NHSL1: variants seen among roughly 807,000 people sequenced by gnomAD.
NHSL1 encodes the protein NHS like 1.
NHSL1 carries 48 observed loss-of-function variants against 95.0 expected under a neutral mutation model. The ratio of observed to expected loss-of-function variants is 0.51; its 90% CI spans 0.40 to 0.64. NHSL1 has a LOEUF of 0.64. Among genes scored for constraint, NHSL1 ranks in the 30% least tolerant of loss-of-function variants. The pLI, the probability that NHSL1 is intolerant of heterozygous loss-of-function variation, is 0.00. For synonymous variants in NHSL1, 783 were observed against 833.9 expected (o/e 0.94, Z 1.05); for missense variants, 1,971 against 2,077.7 (o/e 0.95, Z 1.00).
chr6:138,483,856 G>C (rs939358107), intron 2 of NHSL1, among the ~76,000 whole-genome samples: 2 of 152,196 alleles, frequency 1.3e-5, no homozygotes, highest in African/African-American at 4.8e-5. Context: ...ATCTGTATTT[G>C]TTGGACAGTA....
chr6:138,639,898 T>C (rs1784938631), intron 1 of NHSL1, among the ~76,000 whole-genome samples: 1 of 151,382 alleles, frequency 6.6e-6, no homozygotes, highest in Admixed American at 6.6e-5. Context: ...TTTTTTTTTT[T>C]TTTACAAAAT....
At chr6:138,457,286 C>T (rs920302795) in intron 3 of NHSL1, among the ~76,000 whole-genome samples, 18 of 152,260 alleles carry the variant, frequency 1.2e-4, no homozygotes, top group Admixed American at 6.5e-4. Flanking sequence ...ATATTTTCAA[C>T]AATTTTCTTC....
intron 5 of NHSL1, 77 bp downstream of exon 5, chr6:138,441,906 A>C (rs1776547843): frequency 1.1e-5 from 15 of 1,322,706 alleles, no homozygotes; most frequent in Middle Eastern, 2.3e-4. Flanking sequence ...CGATTTTATA[A>C]GCACCATGAA....
intron 3 of NHSL1, among the ~76,000 whole-genome samples, chr6:138,471,206 T>C (rs1467888308): frequency 6.6e-6 from 1 of 152,136 alleles, no homozygotes; most frequent in Non-Finnish European, 1.5e-5. Context: ...TGTGAGAATT[T>C]AGAAATTATT....
At chr6:138,436,500 G>A (rs965420530) in intron 5 of NHSL1, among the ~76,000 whole-genome samples, 7 of 152,226 alleles carry the variant, frequency 4.6e-5, no homozygotes, top group African/African-American at 1.7e-4. Context: ...AGCAGAGGTT[G>A]TTTCATGAGG....
intron 1 of NHSL1, among the ~76,000 whole-genome samples, chr6:138,585,484 A>T (rs1449244154): frequency 6.6e-6 from 1 of 152,226 alleles, no homozygotes; most frequent in East Asian, 1.9e-4. Context: ...TACTACAAAA[A>T]TAGCACAAAT....
chr6:138,678,949 T>C lies in NHSL1; in HGVS notation c.96+13527A>G, dbSNP rs1785480572. Among the ~76,000 whole-genome samples, 6 of 152,210 alleles carry C rather than the reference T, an allele frequency of 3.9e-5. No individual in the cohort carries two copies. The South Asian group carries it at 1.2e-3, about 32-fold the overall frequency. On this transcript the variant is annotated intron_variant, in intron 1 of 3. Coordinates refer to the NHSL1 transcript ENST00000491526. ...ACTCAAAGACATTTTTCCCACTTCA[T>C]TTCACACCTTCATCGCCTCCCACCT... is the stretch of plus-strand genomic sequence containing the variant.
rs115607305 is a variant in NHSL1 at position 138,433,593 on chromosome 6, C to T, written c.752G>A (p.Arg251Gln). The T allele has an allele frequency of 1.9e-5, 30 of 1,552,006 alleles. No individual in the cohort carries two copies. The African/African-American group carries it at 2.1e-4, about 11-fold the overall frequency. Residue 251 changes from arginine to glutamine, a missense_variant, in exon 6 of 8, where the codon CGG (arginine) becomes CAG (glutamine). Physicochemically the swap from Arg to Gln is conservative, Grantham distance 43. Transcript: ENST00000343505. ...YSTLGRFNSC[R>Q]SAGQRSETRD... ...GGTTTCTGAGCGCTGCCCAGCAGAC[C>T]GACAGCTATTGAACCTTCCTAGTGT...
intron 1 of NHSL1, among the ~76,000 whole-genome samples, chr6:138,604,562 C>G (rs931452853): frequency 2.0e-5 from 3 of 152,186 alleles, no homozygotes; most frequent in Non-Finnish European, 4.4e-5. Context: ...AAGTAAAGAA[C>G]TCAACAATTA....
rs968057165 is a variant in NHSL1, at chr6:138,424,873, G to C, written c.4086-57C>G. 1.4e-6 allele frequency: 2 copies of C among 1,388,136 alleles called. No individual in the cohort carries two copies. The highest frequency in any genetic ancestry group is 2.9e-5 in the African/African-American group (2 of 69,560). 86.0% of individuals were successfully genotyped at this position (1,388,136 alleles called of 1,614,324 possible). ...ATTCCCACGGGACCACAGGCTGTCA[G>C]CCACAACCACTCTGCTCTTATCGCA... is the stretch of plus-strand genomic sequence containing the variant. On this transcript the variant is annotated intron_variant, in intron 7 of 7. Transcript: ENST00000343505. The surrounding 1 kb of genome is among the most constrained non-coding windows in gnomAD (Gnocchi z 5.9).
intron 1 of NHSL1, among the ~76,000 whole-genome samples, chr6:138,657,538 G>A (rs1785171245): frequency 6.6e-6 from 1 of 152,096 alleles, no homozygotes; most frequent in Non-Finnish European, 1.5e-5. Context: ...TCTAGGCTGG[G>A]CGCGGTGGCT....
chr6:138,518,476 A>AT (rs79456955), intron 1 of NHSL1, among the ~76,000 whole-genome samples: 35,139 of 136,924 alleles, frequency 0.26, 4,755 homozygotes, highest in Middle Eastern at 0.46. Context: ...CACAGGAATG[A>AT]TTTTTTTTTT....
intron 1 of NHSL1, among the ~76,000 whole-genome samples, chr6:138,555,399 T>C (rs1250095216): frequency 2.6e-5 from 4 of 152,214 alleles, no homozygotes; most frequent in Non-Finnish European, 5.9e-5. Context: ...AAGTCAAAAA[T>C]AGAATGCTAA....
chr6:138,553,365 T>C (rs1783080653), intron 1 of NHSL1, among the ~76,000 whole-genome samples: 1 of 152,182 alleles, frequency 6.6e-6, no homozygotes, highest in South Asian at 2.1e-4. Flanking sequence ...TCCTCTCCAG[T>C]AGCAGGATCA....
intron 1 of NHSL1, among the ~76,000 whole-genome samples, chr6:138,686,017 A>G (rs1220786088): frequency 6.6e-6 from 1 of 152,238 alleles, no homozygotes; most frequent in East Asian, 1.9e-4. Flanking sequence ...ATGGTTACCA[A>G]GGGCTGTAGG....
rs1355017652 is a variant in NHSL1 at position 138,465,787 on chromosome 6, G to C, written c.339+7519C>G. On this transcript the variant is annotated intron_variant, in intron 3 of 7. Transcript: ENST00000343505. ...CGCCTAGGCTGGAGTGCAGGGGCAT[G>C]ATCTTGGCTCACTGCAACCTCTGCC... 1.4e-4 allele frequency among the ~76,000 whole-genome samples: 20 copies of C among 146,782 alleles called. 1 individual carries two copies. The highest frequency in any genetic ancestry group is 2.5e-4 in the Non-Finnish European group (17 of 67,204).
chr6:138,686,033 G>A (rs915980714), intron 1 of NHSL1, among the ~76,000 whole-genome samples: 2 of 152,106 alleles, frequency 1.3e-5, no homozygotes, highest in Non-Finnish European at 2.9e-5. Flanking sequence ...GTAGGAAGAA[G>A]GTATTGGAGA....
In NHSL1 at chr6:138,567,163, T is replaced by G. The variant is rs959087919; in HGVS notation, c.202+4547A>C. The stretch of plus-strand genomic sequence containing the variant: ...TTGGTTTTGAGACCTAGTCTCGCTG[T>G]GTTACCCAGGCTGGAATGCAGTGGT... On this transcript the variant is annotated intron_variant, in intron 1 of 6. Coordinates refer to the NHSL1 transcript ENST00000427025. Among the ~76,000 whole-genome samples the G allele has an allele frequency of 3.3e-5, 5 of 152,148 alleles. No homozygotes were observed. In the East Asian group the frequency reaches 9.6e-4, roughly 29 times the overall value.
intron 1 of NHSL1, among the ~76,000 whole-genome samples, chr6:138,665,203 GT>G (rs1463288372): frequency 2.0e-5 from 3 of 152,130 alleles, no homozygotes; most frequent in African/African-American, 7.2e-5. Context: ...CTTATGTGCT[GT>G]GTCATAATAC....
Sources: gnomAD v4.1 joint callset for allele counts (sites outside exome capture counted in the v4.1 genomes callset) on GRCh38, gnomAD v4.1.1 for gene constraint, Gnocchi (gnomAD v3.1) non-coding constraint, MANE v1.5 for transcripts, NCBI Gene and HGNC (gene_info 2026-07-23, HGNC 2026-07-21) for gene names.